The following TMEM144 variants were observed in gnomAD, a reference collection of about 807,000 sequenced individuals.
The protein encoded by TMEM144 is transmembrane protein 144.
A neutral mutation model predicts 43.6 loss-of-function variants in TMEM144; 39 were observed. That is an observed-to-expected ratio of 0.90 (90% CI 0.69 to 1.17). The LOEUF is 1.17. TMEM144 is among the 50% of genes most tolerant of loss of function. The pLI is 0.00. For missense variants in TMEM144, 417 were observed against 411.9 expected (o/e 1.01, Z -0.11); for synonymous variants, 154 against 133.6 (o/e 1.15, Z -1.06).
intron 12 of TMEM144, among the ~76,000 whole-genome samples, chr4:158,249,751 T>A (rs1736089135): frequency 6.6e-6 from 1 of 152,186 alleles, no homozygotes; most frequent in Admixed American, 6.5e-5. Context: ...TACGTGGAAA[T>A]CACCTTAGTG....
chr4:158,225,771 C>G (rs980686935), intron 6 of TMEM144, among the ~76,000 whole-genome samples: 1 of 152,244 alleles, frequency 6.6e-6, no homozygotes, highest in African/African-American at 2.4e-5. Flanking sequence ...TTCTTAAACT[C>G]ATCACATCCT....
chr4:158,214,067 C>T (rs1031649556), intron 3 of TMEM144: 1 of 151,996 alleles, frequency 6.6e-6, no homozygotes, highest in Non-Finnish European at 1.5e-5. Context: ...GATAGAGTCT[C>T]ACTCTTTCAC....
At chr4:158,251,454 G>T (rs924134153) in intron 12 of TMEM144, among the ~76,000 whole-genome samples, 1 of 152,154 alleles carries the variant, frequency 6.6e-6, no homozygotes, top group Non-Finnish European at 1.5e-5. Context: ...AATACAGGGT[G>T]GTCACAGATT....
At chr4:158,228,769 C>T (rs1289535728) in intron 6 of TMEM144, among the ~76,000 whole-genome samples, 1 of 152,134 alleles carries the variant, frequency 6.6e-6, no homozygotes, top group East Asian at 1.9e-4. Context: ...GGAGGAGCCG[C>T]AGACAAAACT....
chr4:158,219,554 G>T (rs141163879), intron 6 of TMEM144, among the ~76,000 whole-genome samples, 164 bp downstream of exon 6: 331 of 152,256 alleles, frequency 2.2e-3, no homozygotes, highest in African/African-American at 7.5e-3. Context: ...GACAAAAAGT[G>T]CCAGATTTGG....
At chr4:158,253,103 T>C (rs1160516562) in intron 12 of TMEM144, among the ~76,000 whole-genome samples, 4 of 152,230 alleles carry the variant, frequency 2.6e-5, no homozygotes, top group Non-Finnish European at 5.9e-5. Context: ...AAGATTCCTG[T>C]AACACACTCT....
intron 6 of TMEM144, among the ~76,000 whole-genome samples, chr4:158,229,254 T>G (rs1003621514): frequency 1.3e-5 from 2 of 152,204 alleles, no homozygotes; most frequent in African/African-American, 4.8e-5. Flanking sequence ...GTCACTCTTC[T>G]GTAGGGCTGC....
intron 6 of TMEM144, among the ~76,000 whole-genome samples, chr4:158,230,878 A>G (rs1355409797): frequency 6.6e-6 from 1 of 152,140 alleles, no homozygotes; most frequent in East Asian, 1.9e-4. Context: ...AATTTAATCA[A>G]AGTTCTGCAT....
chr4:158,253,140 T>G (rs1282248747), intron 12 of TMEM144, among the ~76,000 whole-genome samples: 7 of 152,218 alleles, frequency 4.6e-5, no homozygotes, highest in Non-Finnish European at 1.5e-5. Flanking sequence ...TTTGCTTTAT[T>G]ATTAACACCC....
chr4:158,223,842 TTGC>T, intron 6 of TMEM144, among the ~76,000 whole-genome samples: 1 of 152,350 alleles, frequency 6.6e-6, no homozygotes, highest in South Asian at 2.1e-4. Flanking sequence ...TTTCATGACT[TTGC>T]TATTGTAAAT....
At position 158,250,022 on chromosome 4, in the gene TMEM144, A is replaced by G. The variant is rs112822390; in HGVS notation, c.955-3422A>G. ...AAAGTGGCTTCTGTTAGTGCTAAGG[A>G]TCACACTGAATCAGACAATTCAACT... On this transcript the variant is annotated intron_variant, in intron 12 of 12. Coordinates refer to ENST00000296529, the MANE Select transcript of TMEM144 (RefSeq NM_018342.5). 5.5e-3 allele frequency among the ~76,000 whole-genome samples: 834 copies of G among 151,486 alleles called. 10 individuals are homozygous for G. Among genetic ancestry groups the G allele is most frequent in the African/African-American group, 0.019 (799 of 41,300 alleles).
chr4:158,215,262 T>C lies in TMEM144; in HGVS notation c.181T>C (p.Cys61Arg), dbSNP rs368748148. The C allele has an allele frequency of 6.2e-7, 1 of 1,613,906 alleles. No individual in the cohort carries two copies. The highest frequency in any genetic ancestry group is 2.2e-5 in the East Asian group (1 of 44,872). ...CTTGGTTGTCAATCTGATATTACAT[T>C]GTCCAAAGTTTTGGCCTTTTGCAAT... ...VALVVNLILHCPKFWPFAMLG... is the reference protein window; with the variant it reads ...VALVVNLILHRPKFWPFAMLG... Residue 61 changes from cysteine to arginine, a missense_variant, in exon 4 of 13, where the codon TGT becomes CGT. Cys to Arg is a radical substitution (Grantham distance 180). Coordinates refer to ENST00000296529, the MANE Select transcript of TMEM144 (RefSeq NM_018342.5).
chr4:158,234,592 C>A (rs755323317), intron 7 of TMEM144: 1 of 152,044 alleles, frequency 6.6e-6, no homozygotes, highest in Non-Finnish European at 1.5e-5. Context: ...AATATACCCC[C>A]CTTATCCACA....
At chr4:158,231,045 C>T (rs1448892504) in intron 6 of TMEM144, among the ~76,000 whole-genome samples, 1 of 152,160 alleles carries the variant, frequency 6.6e-6, no homozygotes, top group Non-Finnish European at 1.5e-5. Flanking sequence ...CCCGCCTGTT[C>T]GGATTCTTCT....
intron 12 of TMEM144, among the ~76,000 whole-genome samples, chr4:158,251,560 G>A (rs1453635545): frequency 6.6e-6 from 1 of 152,214 alleles, no homozygotes; most frequent in East Asian, 1.9e-4. Context: ...AAAACAGCAT[G>A]TGGATCAAGC....
intron 12 of TMEM144, among the ~76,000 whole-genome samples, chr4:158,248,933 G>A (rs1278032268): frequency 1.3e-5 from 2 of 152,168 alleles, no homozygotes; most frequent in Non-Finnish European, 2.9e-5. Context: ...TTGAGATGGA[G>A]TCTCGCTCTG....
chr4:158,210,696 A>G (rs1287834469), intron 1 of TMEM144, 110 bp downstream of exon 1: 1 of 152,230 alleles, frequency 6.6e-6, no homozygotes, highest in Non-Finnish European at 1.5e-5. Context: ...CGGAATAAAT[A>G]CATTCAAGCA....
At chr4:158,216,056 TA>T (rs1308532672) in intron 4 of TMEM144, among the ~76,000 whole-genome samples, 1 of 152,212 alleles carries the variant, frequency 6.6e-6, no homozygotes, top group Non-Finnish European at 1.5e-5. Flanking sequence ...GTGAAGTTCA[TA>T]AGTTAGAAGA....
rs543077882 is a variant in TMEM144, at chr4:158,220,377, A to G, written c.413+987A>G. Among the ~76,000 whole-genome samples, 152 of 152,352 alleles carry G rather than the reference A, an allele frequency of 1.0e-3. 1 individual carries two copies. Among genetic ancestry groups the G allele is most frequent in the African/African-American group, 3.6e-3 (148 of 41,582 alleles). On this transcript the variant is annotated intron_variant, in intron 6 of 12. Transcript: ENST00000296529. Reference sequence around the variant, plus strand: ...GCTCTCTCAAAAACAATTTCTTTACACACCAAAATTGTAACATAGGATGGC... The same window carrying G: ...GCTCTCTCAAAAACAATTTCTTTACGCACCAAAATTGTAACATAGGATGGC...
Sources: allele counts gnomAD v4.1 joint callset (sites outside exome capture counted in the v4.1 genomes callset), GRCh38; gene constraint gnomAD v4.1.1; transcripts MANE v1.5; gene names NCBI Gene and HGNC (gene_info 2026-07-23, HGNC 2026-07-21).